The following TCAF2 variants were observed in gnomAD, a reference collection of about 807,000 sequenced individuals.
The protein encoded by TCAF2 is TRPM8 channel-associated factor 2.
A neutral mutation model predicts 33.9 loss-of-function variants in TCAF2; 6 were observed. That is an observed-to-expected ratio of 0.18 (90% CI 0.10 to 0.35). The LOEUF is 0.35. Ranked by LOEUF, TCAF2 falls within the 10% of genes least tolerant of loss-of-function variation. The probability of loss-of-function intolerance (pLI) is 1.00; values close to 1 mark genes in which losing one functional copy is unlikely to be tolerated. For missense variants in TCAF2, 109 were observed against 604.0 expected (o/e 0.18, Z 8.59); for synonymous variants, 41 against 247.8 (o/e 0.17, Z 7.84).
At chr7:143,645,637 CCTT>C (rs1473827687) in intron 1 of TCAF2, 1 of 82,906 alleles carries the variant, frequency 1.2e-5, no homozygotes, top group African/African-American at 6.5e-5. Context: ...GCTCCTGTCT[CCTT>C]GTTAATCAAA....
In TCAF2 at chr7:143,720,799, G is replaced by A. The variant is rs1186092149; in HGVS notation, c.1615+125G>A. ...GATTGACCCCATTCTTTTTTTTTTT[G>A]AGACAGAGTCTCACTCTGTCATCCA... On this transcript the variant is annotated intron_variant, in intron 3 of 7. Transcript: ENST00000684770. 3 of 981,670 alleles carry A rather than the reference G, an allele frequency of 3.1e-6. 1 individual carries two copies. In the African/African-American group the frequency reaches 5.8e-5, roughly 19 times the overall value. 60.8% of individuals were successfully genotyped at this position (981,670 alleles called of 1,614,324 possible).
At position 143,730,295 on chromosome 7, in the gene TCAF2, C is replaced by T. The variant is rs1043358535; in HGVS notation, c.*2628C>T. 5.9e-5 allele frequency: 9 copies of T among 152,110 alleles called. No individual in the cohort carries two copies. Among genetic ancestry groups the T allele is most frequent in the Non-Finnish European group, 1.2e-4 (8 of 68,036 alleles). The allele number at this position is 152,110 out of a possible 1,614,324, so 9.4% of individuals were successfully genotyped here. On this transcript the variant is annotated 3_prime_UTR_variant, in exon 8 of 8. Transcript: ENST00000684770. ...TTGTTTCCTGACTTTTTAATGATCGCCATTCTAACTGGCATGAGATGGTAC... is the reference window on the plus strand; with the variant it reads ...TTGTTTCCTGACTTTTTAATGATCGTCATTCTAACTGGCATGAGATGGTAC...
In TCAF2 at chr7:143,730,356, C is replaced by T. The variant is rs1381388707; in HGVS notation, c.*2689C>T. ...TTTTGATTTACATTTCCCTAATGACCAGTAATGATGAGCTTTTTTTCATGT... is the reference window on the plus strand; with the variant it reads ...TTTTGATTTACATTTCCCTAATGACTAGTAATGATGAGCTTTTTTTCATGT... On this transcript the variant is annotated 3_prime_UTR_variant, in exon 8 of 8. Coordinates refer to ENST00000684770, the MANE Select transcript of TCAF2 (RefSeq NM_001363538.2). 1 of 152,096 alleles carries T rather than the reference C, an allele frequency of 6.6e-6. No homozygotes were observed. Among genetic ancestry groups the T allele is most frequent in the East Asian group, 1.9e-4 (1 of 5,186 alleles). 9.4% of individuals were successfully genotyped at this position (152,096 alleles called of 1,614,324 possible). A position where few individuals can be genotyped will look rare whatever the true frequency, so the allele number is the denominator to read the frequency against.
At chr7:143,647,283 G>A in intron 1 of TCAF2, 1 of 385,728 alleles carries the variant, frequency 2.6e-6, no homozygotes, top group Non-Finnish European at 4.5e-6. Flanking sequence ...CACACAAGTC[G>A]CTGTTCAGAT....
Position 143,729,290 on chromosome 7 carries a change from A to G in TCAF2, c.*1623A>G, listed in dbSNP as rs1269726249. The G allele has an allele frequency of 6.6e-6, 1 of 152,234 alleles. No homozygotes were observed. The highest frequency in any genetic ancestry group is 1.5e-5 in the Non-Finnish European group (1 of 68,048). 9.4% of individuals were successfully genotyped at this position (152,234 alleles called of 1,614,324 possible). A position where few individuals can be genotyped will look rare whatever the true frequency, so the allele number is the denominator to read the frequency against. On this transcript the variant is annotated 3_prime_UTR_variant, in exon 8 of 8. Coordinates refer to ENST00000684770, the MANE Select transcript of TCAF2 (RefSeq NM_001363538.2). The stretch of plus-strand genomic sequence containing the variant: ...TAAGTTTTTTGAAGTCACAAAGTGA[A>G]TAAAAGGAAGAACCAGGGTTTAATT...
In TCAF2 at chr7:143,724,472, C is replaced by A; in HGVS notation, c.2280C>A (p.Gly760=). 6.2e-7 allele frequency: 1 copy of A among 1,610,992 alleles called. No individual in the cohort carries two copies. The change falls in exon 7 of 8, where the codon GGC becomes GGA. Residue 760 remains glycine (G), a synonymous_variant. Transcript: ENST00000684770. ...TGTGGGGCCCCATCCATGAGCTGGG[C>A]CACAACCAACAGCGGCATGGATGGG... ...RGVWGPIHEL[G]HNQQRHGWEF...
At position 143,724,614 on chromosome 7, in the gene TCAF2, G is replaced by C. The variant is rs1348117288; in HGVS notation, c.2422G>C (p.Glu808Gln). The change falls in exon 7 of 8, where the codon GAG becomes CAG. Residue 808 changes from glutamate (E) to glutamine (Q), a missense_variant. Transcript: ENST00000684770. ...AHEALSPPER[E>Q]RRIKAHLGKG... ...CGAGGCTCTGAGCCCTCCAGAGCGAGAGAGGAGAATCAAGGCCCACCTGGG... is the reference window on the plus strand; with the variant it reads ...CGAGGCTCTGAGCCCTCCAGAGCGACAGAGGAGAATCAAGGCCCACCTGGG... The C allele has an allele frequency of 1.2e-6, 2 of 1,610,882 alleles. No individual in the cohort carries two copies. Among genetic ancestry groups the C allele is most frequent in the Non-Finnish European group, 1.7e-6 (2 of 1,179,594 alleles).
At chr7:143,725,985 T>TTAGTA (rs1321385268) in intron 7 of TCAF2, among the ~76,000 whole-genome samples, 3 of 148,800 alleles carry the variant, frequency 2.0e-5, no homozygotes, top group Non-Finnish European at 4.5e-5. Context: ...TCCCAGCATC[T>TTAGTA]TGCCTCAATC....
intron 1 of TCAF2, chr7:143,647,430 G>A: frequency 4.6e-6 from 1 of 218,710 alleles, no homozygotes; most frequent in Non-Finnish European, 7.4e-6. Context: ...GCCCCATCTT[G>A]GGAGCACAGA....
intron 1 of TCAF2, among the ~76,000 whole-genome samples, chr7:143,701,833 G>A (rs1374414048): frequency 4.4e-5 from 3 of 67,560 alleles, no homozygotes; most frequent in South Asian, 7.6e-4. Context: ...TTTATTTTTT[G>A]AGGCAGAGTC....
Position 143,728,707 on chromosome 7 carries a change from G to C in TCAF2, c.*1040G>C, listed in dbSNP as rs1323106171. The C allele has an allele frequency of 6.6e-6, 1 of 152,184 alleles. No individual in the cohort carries two copies. The highest frequency in any genetic ancestry group is 2.4e-5 in the African/African-American group (1 of 41,438). 9.4% of individuals were successfully genotyped at this position (152,184 alleles called of 1,614,324 possible). On this transcript the variant is annotated 3_prime_UTR_variant, in exon 8 of 8. Transcript: ENST00000684770. ...GGCTTCACTCTGGAACAGGATTACT[G>C]GGTGCAGCGGATGTAATCCTCACTT...
At chr7:143,712,391 G>A (rs1193053648) in intron 2 of TCAF2, among the ~76,000 whole-genome samples, 1 of 96,018 alleles carries the variant, frequency 1.0e-5, no homozygotes, top group Non-Finnish European at 2.3e-5. Context: ...TATGTAACTT[G>A]GCATGCTGAT....
chr7:143,728,695 A>C lies in TCAF2; in HGVS notation c.*1028A>C, dbSNP rs1266874360. 1 of 152,226 alleles carries C rather than the reference A, an allele frequency of 6.6e-6. No homozygotes were observed. The highest frequency in any genetic ancestry group is 1.5e-5 in the Non-Finnish European group (1 of 68,092). 9.4% of individuals were successfully genotyped at this position (152,226 alleles called of 1,614,324 possible). A position where few individuals can be genotyped will look rare whatever the true frequency, so the allele number is the denominator to read the frequency against. On this transcript the variant is annotated 3_prime_UTR_variant, in exon 8 of 8. Coordinates refer to ENST00000684770, the MANE Select transcript of TCAF2 (RefSeq NM_001363538.2). ...ACAGGCACAGTGGGCTTCACTCTGG[A>C]ACAGGATTACTGGGTGCAGCGGATG...
At position 143,728,268 on chromosome 7, in the gene TCAF2, T is replaced by G. The variant is rs7811904; in HGVS notation, c.*601T>G. The G allele has an allele frequency of 0.54, 85,724 of 158,766 alleles. 23,580 individuals carry two copies. The highest frequency in any genetic ancestry group is 0.7 in the South Asian group (3,905 of 5,612). 9.8% of individuals were successfully genotyped at this position (158,766 alleles called of 1,614,324 possible). ...TCCAGTCTAGCGTGCACATCCTGGGTGCTGAATCTCACTTCAGTGTTGACC... is the reference window on the plus strand; with the variant it reads ...TCCAGTCTAGCGTGCACATCCTGGGGGCTGAATCTCACTTCAGTGTTGACC... On this transcript the variant is annotated 3_prime_UTR_variant, in exon 8 of 8. Coordinates refer to ENST00000684770, the MANE Select transcript of TCAF2 (RefSeq NM_001363538.2).
intron 1 of TCAF2, among the ~76,000 whole-genome samples, chr7:143,647,897 T>TTTC (rs764678570): frequency 2.2e-4 from 27 of 123,716 alleles, no homozygotes; most frequent in African/African-American, 6.4e-4. Context: ...TCTTTCTTTC[T>TTTC]TTTCTTTCTT....
At chr7:143,648,468 T>C (rs1183546696) in intron 1 of TCAF2, among the ~76,000 whole-genome samples, 1 of 141,542 alleles carries the variant, frequency 7.1e-6, no homozygotes, top group African/African-American at 2.5e-5. Flanking sequence ...CCAGAGAAAG[T>C]AGTACTGCTT....
chr7:143,701,809 TTA>T, intron 1 of TCAF2, among the ~76,000 whole-genome samples: 1 of 122,164 alleles, frequency 8.2e-6, no homozygotes, highest in African/African-American at 3.3e-5. Context: ...TTATTTTATT[TTA>T]TTTTATTTTA....
intron 1 of TCAF2, among the ~76,000 whole-genome samples, chr7:143,637,781 GT>G (rs1163317534): frequency 9.4e-6 from 1 of 106,076 alleles, no homozygotes; most frequent in African/African-American, 3.5e-5. Flanking sequence ...TATTGTGGTT[GT>G]TCCCTGACAT....
At chr7:143,648,558 C>A (rs2116488732) in intron 1 of TCAF2, among the ~76,000 whole-genome samples, 1 of 111,484 alleles carries the variant, frequency 9.0e-6, no homozygotes, top group South Asian at 3.6e-4. Context: ...TAGTTCTGAT[C>A]TAGGAACACA....
Sources: allele counts gnomAD v4.1 joint callset (sites outside exome capture counted in the v4.1 genomes callset), GRCh38; gene constraint gnomAD v4.1.1; transcripts MANE v1.5; gene names NCBI Gene and HGNC (gene_info 2026-07-23, HGNC 2026-07-21).